Variants in NAV3 observed in about 807,000 individuals in gnomAD.
NAV3 encodes the protein pore membrane and/or filament interacting like protein 1.
Under a neutral mutation model 244.7 loss-of-function variants are expected in NAV3, and 87 were observed. The observed-to-expected ratio is 0.36, with a 90% confidence interval of 0.30 to 0.42. The LOEUF is 0.42. Ranked by LOEUF, NAV3 falls within the 20% of genes least tolerant of loss-of-function variation. NAV3 has a pLI of 1.00. For missense variants in NAV3, 2,663 were observed against 2,893.3 expected, an observed-to-expected ratio of 0.92 and a Z score of 1.83; for synonymous variants, 1,126 against 1,042.2, an observed-to-expected ratio of 1.08 and a Z score of -1.55.
At chr12:78,049,503 C>T (rs1005952278) in intron 9 of NAV3, among the ~76,000 whole-genome samples, 2 of 152,158 alleles carry the variant, frequency 1.3e-5, no homozygotes, top group African/African-American at 4.8e-5. Context: ...GAGGCAACAC[C>T]CCACCCTGCT....
chr12:77,998,003 GTTTCC>G (rs1872644321), intron 6 of NAV3, among the ~76,000 whole-genome samples: 2 of 152,290 alleles, frequency 1.3e-5, no homozygotes, highest in East Asian at 1.9e-4. Context: ...AAGTGTTATT[GTTTCC>G]TTTACTTTTC....
rs1870269414 is a variant in NAV3 at position 77,774,848 on chromosome 12, T to C, written c.73-165471T>C. Among the ~76,000 whole-genome samples the C allele has an allele frequency of 2.0e-5, 3 of 152,238 alleles. No homozygotes were observed. In the South Asian group the frequency reaches 6.2e-4, roughly 31 times the overall value. Reference sequence around the variant, plus strand: ...TTTTGAATTGTAATTGTACTGTGAATTCAACAGTCTGTATAGAAGAAATTA... The same window carrying C: ...TTTTGAATTGTAATTGTACTGTGAACTCAACAGTCTGTATAGAAGAAATTA... On this transcript the variant is annotated intron_variant, in intron 2 of 8. Coordinates refer to the NAV3 transcript ENST00000550042.
At chr12:77,618,911 T>A (rs1231353626) in intron 2 of NAV3, among the ~76,000 whole-genome samples, 1 of 152,232 alleles carries the variant, frequency 6.6e-6, no homozygotes, top group East Asian at 1.9e-4. Flanking sequence ...TCCAAAGGGC[T>A]TATGTTTCTT....
At chr12:77,670,282 C>G (rs902837993) in intron 2 of NAV3, among the ~76,000 whole-genome samples, 1 of 151,922 alleles carries the variant, frequency 6.6e-6, no homozygotes, top group Non-Finnish European at 1.5e-5. Context: ...ATAACAAGCA[C>G]CAAGATTGAA....
intron 2 of NAV3, among the ~76,000 whole-genome samples, chr12:77,685,705 A>G (rs1275022773): frequency 1.3e-5 from 2 of 152,122 alleles, no homozygotes; most frequent in African/African-American, 4.8e-5. Context: ...TTGCCAACCC[A>G]TTTCAAACCT....
intron 2 of NAV3, among the ~76,000 whole-genome samples, chr12:77,811,724 C>T (rs1404536192): frequency 2.0e-5 from 3 of 151,984 alleles, no homozygotes; most frequent in Non-Finnish European, 4.4e-5. Flanking sequence ...GGTCTTAAGA[C>T]AATGGCATTA....
Position 78,021,757 on chromosome 12 carries a change from G to A in NAV3, c.1918G>A (p.Glu640Lys), listed in dbSNP as rs1174362847. 1 of 1,606,772 alleles carries A rather than the reference G, an allele frequency of 6.2e-7. No individual in the cohort carries two copies. The highest frequency in any genetic ancestry group is 8.5e-7 in the Non-Finnish European group (1 of 1,175,506). ...VAPFIYRAHS[E>K]NEGTALPSAD... The stretch of plus-strand genomic sequence containing the variant: ...CATGGTTAATTTCAGGGCACATTCA[G>A]AAAATGAAGGTACCGCTTTACCATC... Residue 640 changes from glutamate to lysine, a missense_variant, in exon 9 of 40, where the codon GAA (glutamate) becomes AAA (lysine). Physicochemically the swap from Glu to Lys is moderately conservative, Grantham distance 56. This residue lies in a region of NAV3 where 1,521 missense variants were observed against 1,497.0 expected (regional missense o/e 1.02). Coordinates refer to ENST00000397909, the MANE Select transcript of NAV3 (RefSeq NM_001024383.2).
intron 2 of NAV3, among the ~76,000 whole-genome samples, chr12:77,761,656 G>A (rs920763436): frequency 1.3e-5 from 2 of 152,116 alleles, no homozygotes; most frequent in Non-Finnish European, 2.9e-5. Context: ...CATTTATGCG[G>A]CCAAGAAACA....
At chr12:77,947,404 T>C (rs1466423300) in intron 3 of NAV3, 2 of 143,190 alleles carry the variant, frequency 1.4e-5, no homozygotes, top group African/African-American at 5.3e-5. Context: ...ACTCTTCTTT[T>C]AAAGGATTTT....
At chr12:78,103,757 G>C (rs1039177469) in intron 12 of NAV3, among the ~76,000 whole-genome samples, 1 of 152,104 alleles carries the variant, frequency 6.6e-6, no homozygotes, top group Non-Finnish European at 1.5e-5. Context: ...TAAAACCATC[G>C]GACCTTGTAA....
At chr12:78,135,820 C>A (rs1252546779) in intron 18 of NAV3, among the ~76,000 whole-genome samples, 2 of 152,042 alleles carry the variant, frequency 1.3e-5, no homozygotes, top group South Asian at 2.1e-4. Flanking sequence ...CCCTTTTTTA[C>A]TTTTTTCGCC....
chr12:77,712,466 G>T (rs1368373144), intron 2 of NAV3, among the ~76,000 whole-genome samples: 1 of 152,106 alleles, frequency 6.6e-6, no homozygotes, highest in African/African-American at 2.4e-5. Context: ...ACAAAAAGAG[G>T]CCAGTCTTTA....
intron 16 of NAV3, among the ~76,000 whole-genome samples, chr12:78,125,040 A>G (rs1955845443): frequency 6.6e-6 from 1 of 152,180 alleles, no homozygotes; most frequent in Non-Finnish European, 1.5e-5. Flanking sequence ...TGCAAGCAAT[A>G]GCAAATTGCT....
intron 2 of NAV3, among the ~76,000 whole-genome samples, chr12:77,745,988 T>TAAAA (rs35139297): frequency 3.9e-4 from 42 of 107,554 alleles, no homozygotes; most frequent in African/African-American, 1.4e-3. Flanking sequence ...AGACTTAAGG[T>TAAAA]AAAAAAAAAA....
In NAV3 at chr12:78,006,912, T is replaced by A. The variant is rs1593259612; in HGVS notation, c.1374T>A (p.Asn458Lys). Residue 458 changes from asparagine to lysine, a missense_variant, in exon 8 of 40, where the codon AAT (asparagine) becomes AAA (lysine). Asn to Lys is a moderately conservative substitution (Grantham distance 94, BLOSUM62 0). Coordinates refer to ENST00000397909, the MANE Select transcript of NAV3 (RefSeq NM_001024383.2). ...AAGCTGGAAGCAAAAATCTCAGCAATAAAAAGTCTTTGCTACAGCCAAAGG... is the reference window on the plus strand; with the variant it reads ...AAGCTGGAAGCAAAAATCTCAGCAAAAAAAAGTCTTTGCTACAGCCAAAGG... ...PPKAGSKNLS[N>K]KKSLLQPKEK... The A allele has an allele frequency of 6.2e-7, 1 of 1,613,674 alleles. No individual in the cohort carries two copies. Among genetic ancestry groups the A allele is most frequent in the East Asian group, 2.2e-5 (1 of 44,856 alleles).
chr12:77,611,149 A>T (rs1378435155), intron 2 of NAV3, among the ~76,000 whole-genome samples: 1 of 152,036 alleles, frequency 6.6e-6, no homozygotes, highest in East Asian at 1.9e-4. Context: ...CTAATAAGCC[A>T]CATCAGAGAG....
intron 2 of NAV3, among the ~76,000 whole-genome samples, chr12:77,663,675 C>T (rs938447020): frequency 6.6e-6 from 1 of 152,152 alleles, no homozygotes; most frequent in African/African-American, 2.4e-5. Context: ...GCCTGCACCA[C>T]CATGCCCAGC....
At chr12:77,854,180 A>G (rs996638652) in intron 1 of NAV3, among the ~76,000 whole-genome samples, 7 of 152,192 alleles carry the variant, frequency 4.6e-5, no homozygotes, top group Admixed American at 4.6e-4. Context: ...TATATTTAAC[A>G]TTAAGATTAA....
At chr12:77,779,545 T>C (rs1041312366) in intron 2 of NAV3, among the ~76,000 whole-genome samples, 2 of 152,236 alleles carry the variant, frequency 1.3e-5, no homozygotes, top group East Asian at 1.9e-4. Context: ...CTATGCATCA[T>C]AATTTTCCTT....
Sources: allele counts gnomAD v4.1 joint callset (sites outside exome capture counted in the v4.1 genomes callset), GRCh38; gene constraint gnomAD v4.1.1; regional missense constraint gnomAD v4.1.1; transcripts MANE v1.5; gene names NCBI Gene and HGNC (gene_info 2026-07-23, HGNC 2026-07-21).